SYNE3: variants seen among roughly 807,000 people sequenced by gnomAD.
SYNE3 encodes nesprin-3.
A neutral mutation model predicts 111.2 loss-of-function variants in SYNE3; 100 were observed. The ratio of observed to expected loss-of-function variants is 0.90; its 90% confidence interval spans 0.77 to 1.06. The LOEUF (loss-of-function observed/expected upper bound fraction) is 1.06, where lower values mean the gene tolerates loss of function less well. SYNE3 is among the 50% of genes least tolerant of loss of function. The pLI, the probability that SYNE3 is intolerant of heterozygous loss-of-function variation, is 0.00. For missense variants in SYNE3, 1,160 were observed against 1,240.3 expected, an observed-to-expected ratio of 0.94 and a Z score of 0.97; for synonymous variants, 547 against 533.9, an observed-to-expected ratio of 1.02 and a Z score of -0.34.
At chr14:95,506,138 G>A (rs1190727257) in intron 1 of SYNE3, among the ~76,000 whole-genome samples, 1 of 152,150 alleles carries the variant, frequency 6.6e-6, no homozygotes, top group Non-Finnish European at 1.5e-5. Flanking sequence ...AGTGCCCTGG[G>A]CTTGTACCAC....
At chr14:95,499,128 C>G (rs1890221855) in intron 1 of SYNE3, among the ~76,000 whole-genome samples, 1 of 152,192 alleles carries the variant, frequency 6.6e-6, no homozygotes. Context: ...CTGGCAGAGC[C>G]AAATCCTTTC....
At chr14:95,428,116 G>A (rs1885543100) in intron 17 of SYNE3, among the ~76,000 whole-genome samples, 1 of 152,224 alleles carries the variant, frequency 6.6e-6, no homozygotes, top group Admixed American at 6.5e-5. Flanking sequence ...GGAGAAATGA[G>A]AAATAAACCC....
Position 95,450,016 on chromosome 14 carries a change from C to T in SYNE3, c.1364G>A (p.Trp455Ter). The T allele has an allele frequency of 6.4e-7, 1 of 1,557,820 alleles. No individual in the cohort carries two copies. The highest frequency in any genetic ancestry group is 8.7e-7 in the Non-Finnish European group (1 of 1,150,744). Residue 455 changes from tryptophan to a stop codon, truncating the protein, a stop_gained, in exon 8 of 18, where the codon TGG (tryptophan) becomes TAG (stop). Coordinates refer to ENST00000682763, the MANE Select transcript of SYNE3 (RefSeq NM_152592.6). LOFTEE classifies it high-confidence loss of function. ...CAAGAGCCGCTGGGCCAGGGCCTTC[C>T]ACAGCTGCAGATCCTGCAGAGGCCG... ...FQRPLQDLQL[W>*]KALAQRLLEV...
intron 1 of SYNE3, among the ~76,000 whole-genome samples, chr14:95,511,917 T>C (rs1391333131): frequency 1.4e-5 from 2 of 140,332 alleles, no homozygotes; most frequent in East Asian, 4.1e-4. Flanking sequence ...ATTCCCTACG[T>C]GTGTGACCTC....
At chr14:95,445,204 G>A (rs1170886132) in intron 9 of SYNE3, among the ~76,000 whole-genome samples, 2 of 152,196 alleles carry the variant, frequency 1.3e-5, no homozygotes, top group African/African-American at 2.4e-5. Context: ...TGTGGATGGA[G>A]GGAACATGCA....
intron 7 of SYNE3, 130 bp downstream of exon 7, chr14:95,452,117 T>A (rs1887121958): frequency 8.7e-7 from 1 of 1,148,808 alleles, no homozygotes; most frequent in African/African-American, 1.5e-5. Context: ...TAAAAGCCAG[T>A]CATTGAGAGG....
At chr14:95,466,518 A>G (rs1023308602) in intron 3 of SYNE3, among the ~76,000 whole-genome samples, 7 of 152,050 alleles carry the variant, frequency 4.6e-5, no homozygotes, top group Non-Finnish European at 7.4e-5. Flanking sequence ...TCCCAGAACC[A>G]CCAGTTTTGG....
In SYNE3 at chr14:95,475,759, C is replaced by A; in HGVS notation, c.63G>T (p.Lys21Asn). The A allele has an allele frequency of 6.2e-7, 1 of 1,607,090 alleles. No homozygotes were observed. ...RSVEDAQAWM[K>N]AVQDQLQVND... The stretch of plus-strand genomic sequence containing the variant: ...TGACCTGCAGCTGGTCCTGCACAGC[C>A]TTCATCCATGCCTGGGCATCCTCCA... Residue 21 changes from lysine to asparagine, a missense_variant, in exon 2 of 18, where the codon AAG becomes AAT. By Grantham distance (94) the Lys-to-Asn change is moderately conservative. Coordinates refer to ENST00000682763, the MANE Select transcript of SYNE3 (RefSeq NM_152592.6).
At chr14:95,489,807 T>C (rs1889752880) in intron 1 of SYNE3, among the ~76,000 whole-genome samples, 1 of 152,142 alleles carries the variant, frequency 6.6e-6, no homozygotes, top group Non-Finnish European at 1.5e-5. Flanking sequence ...CTGCCCTCAT[T>C]AGTCCTTGAT....
chr14:95,475,737 C>A lies in SYNE3; in HGVS notation c.85G>T (p.Val29Phe). Residue 29 changes from valine to phenylalanine, a missense_variant, in exon 2 of 18, where the codon GTC becomes TTC. By Grantham distance (50) the Val-to-Phe change is conservative. Coordinates refer to ENST00000682763, the MANE Select transcript of SYNE3 (RefSeq NM_152592.6). ...CGGGGTCCCTGCGTGTTGTCATTGA[C>A]CTGCAGCTGGTCCTGCACAGCCTTC... ...WMKAVQDQLQVNDNTQGPRAA... is the reference protein window; with the variant it reads ...WMKAVQDQLQFNDNTQGPRAA... 1 of 1,607,788 alleles carries A rather than the reference C, an allele frequency of 6.2e-7. No homozygotes were observed. Among genetic ancestry groups the A allele is most frequent in the South Asian group, 1.1e-5 (1 of 89,854 alleles).
chr14:95,486,922 GAC>G (rs1380300891), intron 1 of SYNE3, among the ~76,000 whole-genome samples: 2 of 152,170 alleles, frequency 1.3e-5, no homozygotes, highest in African/African-American at 2.4e-5. Context: ...GACCCTCAAG[GAC>G]GGTGCCTCCT....
intron 8 of SYNE3, chr14:95,449,443 A>G: frequency 1.0e-6 from 1 of 985,386 alleles, no homozygotes; most frequent in Non-Finnish European, 1.2e-6. Context: ...TTCATGGGAG[A>G]TGCACGTTTG....
intron 1 of SYNE3, among the ~76,000 whole-genome samples, chr14:95,484,852 TA>T (rs1889458564): frequency 6.6e-6 from 1 of 152,242 alleles, no homozygotes; most frequent in African/African-American, 2.4e-5. Flanking sequence ...AGTTATGATT[TA>T]AACAAAACCA....
At chr14:95,419,868 T>C (rs367885576) in intron 17 of SYNE3, among the ~76,000 whole-genome samples, 1 of 968 alleles carries the variant, frequency 1.0e-3, no homozygotes, top group Non-Finnish European at 2.7e-3. Flanking sequence ...ATGGAGGTGA[T>C]GGTGATGGTG....
chr14:95,425,701 G>A (rs1371705463), intron 17 of SYNE3, among the ~76,000 whole-genome samples: 1 of 152,218 alleles, frequency 6.6e-6, no homozygotes, highest in Non-Finnish European at 1.5e-5. Context: ...GGGATGAGAG[G>A]AGGTCTATGG....
chr14:95,482,878 C>A (rs115753395), intron 1 of SYNE3, among the ~76,000 whole-genome samples: 2,027 of 152,288 alleles, frequency 0.013, 43 homozygotes, highest in African/African-American at 0.046. Flanking sequence ...ACTAACAACG[C>A]TGCCCAAAGT....
At chr14:95,469,695 A>T (rs1464986631) in intron 2 of SYNE3, among the ~76,000 whole-genome samples, 1 of 152,090 alleles carries the variant, frequency 6.6e-6, no homozygotes, top group Non-Finnish European at 1.5e-5. Context: ...TGGGTGCCAC[A>T]GCGAGACCAT....
At chr14:95,473,872 T>G (rs1888706655) in intron 2 of SYNE3, among the ~76,000 whole-genome samples, 1 of 148,606 alleles carries the variant, frequency 6.7e-6, no homozygotes, top group Non-Finnish European at 1.5e-5. Flanking sequence ...GGTGTGAGCT[T>G]GTGAGGTGTG....
chr14:95,482,188 C>T (rs183211543), intron 1 of SYNE3, among the ~76,000 whole-genome samples: 9 of 150,876 alleles, frequency 6.0e-5, no homozygotes, highest in Non-Finnish European at 1.0e-4. Flanking sequence ...AATCCCAACA[C>T]TTTGGGAGGT....
Sources: gnomAD v4.1 joint callset for allele counts (sites outside exome capture counted in the v4.1 genomes callset) on GRCh38, gnomAD v4.1.1 for gene constraint, MANE v1.5 for transcripts, NCBI Gene and HGNC (gene_info 2026-07-23, HGNC 2026-07-21) for gene names.